OAF: variants seen among roughly 807,000 people sequenced by gnomAD.
OAF encodes out at first protein homolog.
In OAF, 13 loss-of-function variants were observed where a neutral mutation model predicts 22.5. The ratio of observed to expected loss-of-function variants is 0.58; its 90% CI spans 0.38 to 0.92. The LOEUF is 0.92. OAF is among the 40% of genes least tolerant of loss of function. The pLI is 0.00. For synonymous variants in OAF, 175 were observed against 170.5 expected, an observed-to-expected ratio of 1.03 and a Z score of -0.21; for missense variants, 347 against 381.8, an observed-to-expected ratio of 0.91 and a Z score of 0.76.
chr11:120,211,943 G>A (rs1005919582), intron 1 of OAF, among the ~76,000 whole-genome samples: 1 of 152,178 alleles, frequency 6.6e-6, no homozygotes, highest in African/African-American at 2.4e-5. Context: ...CCTGTACAGG[G>A]CACTGAGGGG....
chr11:120,229,375 G>A lies in OAF; in HGVS notation c.*233G>A. 3 of 410,016 alleles carry A rather than the reference G, an allele frequency of 7.3e-6. No homozygotes were observed. Among genetic ancestry groups the A allele is most frequent in the South Asian group, 2.8e-5 (1 of 35,406 alleles). 25.4% of individuals were successfully genotyped at this position (410,016 alleles called of 1,614,324 possible). ...CTGTGCCTTCCTTGCGGGCAGAGAG[G>A]GAGAGAAGGGCTCCCCAGATCTACA... On this transcript the variant is annotated 3_prime_UTR_variant, in exon 4 of 4. Transcript: ENST00000328965.
At chr11:120,219,168 G>A (rs1460009301) in intron 1 of OAF, among the ~76,000 whole-genome samples, 5 of 151,848 alleles carry the variant, frequency 3.3e-5, no homozygotes, top group Non-Finnish European at 7.4e-5. Context: ...GTGGGGAGCC[G>A]CCTCTGCCGG....
chr11:120,224,875 G>C (rs746239801), intron 1 of OAF, among the ~76,000 whole-genome samples: 5 of 152,212 alleles, frequency 3.3e-5, no homozygotes, highest in Non-Finnish European at 7.3e-5. Context: ...CAGGTGAGCA[G>C]AGCACAGGGC....
At chr11:120,222,036 G>C (rs1302155903) in intron 1 of OAF, among the ~76,000 whole-genome samples, 5 of 152,172 alleles carry the variant, frequency 3.3e-5, no homozygotes, top group African/African-American at 1.2e-4. Flanking sequence ...TGGGAGTCAG[G>C]CTTCCATCTG....
rs113339339 is a variant in OAF, at chr11:120,218,762, A to T, written c.232-6899A>T. On this transcript the variant is annotated intron_variant, in intron 1 of 3. Coordinates refer to ENST00000328965, the MANE Select transcript of OAF (RefSeq NM_178507.4). ...TGGCTGGAAGCAGGGTGTGGAGGGA[A>T]GGGGCAGTCTGCTGCCCTGGCCCCC... 2.1e-3 allele frequency among the ~76,000 whole-genome samples: 326 copies of T among 152,272 alleles called. 1 individual carries two copies. Among genetic ancestry groups the T allele is most frequent in the African/African-American group, 7.4e-3 (308 of 41,572 alleles).
chr11:120,219,791 C>T (rs1399760989), intron 1 of OAF, among the ~76,000 whole-genome samples: 2 of 152,168 alleles, frequency 1.3e-5, no homozygotes, highest in East Asian at 1.9e-4. Context: ...GGTTACTTCC[C>T]TGCTGGAACC....
At chr11:120,216,068 A>T (rs1591357980) in intron 1 of OAF, among the ~76,000 whole-genome samples, 1 of 152,138 alleles carries the variant, frequency 6.6e-6, no homozygotes, top group East Asian at 1.9e-4. Context: ...GGCCGCTTCG[A>T]AGGGACAAGG....
chr11:120,219,117 G>C lies in OAF; in HGVS notation c.232-6544G>C, dbSNP rs550854377. ...GGCATGAGATGGGGAATTCACAGGG[G>C]GGGTGGGCGTGGGGACTGCGGAGAG... On this transcript the variant is annotated intron_variant, in intron 1 of 3. Transcript: ENST00000328965. 6.6e-5 allele frequency among the ~76,000 whole-genome samples: 10 copies of C among 151,688 alleles called. No individual in the cohort carries two copies. The South Asian group carries it at 1.2e-3, about 19-fold the overall frequency.
At chr11:120,217,624 A>G (rs1044470161) in intron 1 of OAF, 2 of 152,164 alleles carry the variant, frequency 1.3e-5, no homozygotes, top group Non-Finnish European at 2.9e-5. Flanking sequence ...GTGAGCAATC[A>G]CTATGTACGT....
chr11:120,228,706 G>C (rs1565344204), intron 3 of OAF, among the ~76,000 whole-genome samples, 162 bp from the exon 4 acceptor site: 2 of 152,172 alleles, frequency 1.3e-5, no homozygotes, highest in Non-Finnish European at 2.9e-5. Context: ...TAGTAACCAG[G>C]TCTTACCTCT....
At chr11:120,227,622 T>C (rs527977252) in intron 3 of OAF, among the ~76,000 whole-genome samples, 120 of 152,138 alleles carry the variant, frequency 7.9e-4, no homozygotes, top group Non-Finnish European at 1.4e-3. Context: ...GCATGGTCCC[T>C]GCCTTCCTGA....
At chr11:120,226,761 G>T in intron 2 of OAF, 55 bp from the exon 3 acceptor site, 1 of 1,500,534 alleles carries the variant, frequency 6.7e-7, no homozygotes, top group Non-Finnish European at 9.1e-7. Flanking sequence ...GTCAGGGGAA[G>T]ATGGACAGGG....
chr11:120,228,825 T>TACCAACCACC, intron 3 of OAF, 43 bp from the exon 4 acceptor site: 1 of 434,174 alleles, frequency 2.3e-6, no homozygotes. Flanking sequence ...GCTCCTTCCC[T>TACCAACCACC]CCCTCCCTCC....
At chr11:120,225,904 T>C in intron 2 of OAF, 109 bp downstream of exon 2, 1 of 913,242 alleles carries the variant, frequency 1.1e-6, no homozygotes, top group Non-Finnish European at 1.7e-6. Flanking sequence ...ACCCGACCCC[T>C]GCAGCCAGCC....
At chr11:120,228,825 T>TGC in intron 3 of OAF, 43 bp from the exon 4 acceptor site, 22 of 434,170 alleles carry the variant, frequency 5.1e-5, no homozygotes, top group East Asian at 2.2e-4. Context: ...GCTCCTTCCC[T>TGC]CCCTCCCTCC....
intron 1 of OAF, among the ~76,000 whole-genome samples, chr11:120,221,678 A>G (rs1336935887): frequency 1.3e-5 from 2 of 152,148 alleles, no homozygotes; most frequent in African/African-American, 4.8e-5. Flanking sequence ...TTTGTTCTTA[A>G]ATTCTGTGCT....
intron 1 of OAF, among the ~76,000 whole-genome samples, chr11:120,215,524 A>G (rs1057508873): frequency 1.3e-5 from 2 of 152,220 alleles, no homozygotes; most frequent in Admixed American, 6.5e-5. Flanking sequence ...AGCAGCACAT[A>G]TACTTCGGGC....
At chr11:120,221,654 C>G (rs1048091494) in intron 1 of OAF, among the ~76,000 whole-genome samples, 1 of 152,346 alleles carries the variant, frequency 6.6e-6, no homozygotes. Context: ...ATGGGTAACA[C>G]TGGCTCCAGA....
rs1003874844 is a variant in OAF, at chr11:120,225,775, G to T, written c.346G>T (p.Ala116Ser). 4 of 1,602,426 alleles carry T rather than the reference G, an allele frequency of 2.5e-6. No individual in the cohort carries two copies. The highest frequency in any genetic ancestry group is 1.7e-5 in the Admixed American group (1 of 58,686). Residue 116 changes from alanine (A) to serine (S), a missense_variant, in exon 2 of 4, where the codon GCC becomes TCC. Physicochemically the swap from Ala to Ser is moderately conservative, Grantham distance 99. Transcript: ENST00000328965. ...GCACAATGAGATCATCCCCAGTGAG[G>T]CCATGGCCAAGCTCCGGCAGGTAAG... The part of the protein sequence containing the change: ...LQHNEIIPSE[A>S]MAKLRQKNPR...
Sources: gnomAD v4.1 joint callset for allele counts (sites outside exome capture counted in the v4.1 genomes callset) on GRCh38, gnomAD v4.1.1 for gene constraint, MANE v1.5 for transcripts, NCBI Gene and HGNC (gene_info 2026-07-23, HGNC 2026-07-21) for gene names.